The following IFT140 variants were observed in gnomAD, a reference collection of about 807,000 sequenced individuals.
The protein encoded by IFT140 is intraflagellar transport protein 140 homolog.
In IFT140, 133 loss-of-function variants were observed where a neutral mutation model predicts 164.6. That is an observed-to-expected ratio of 0.81 (90% confidence interval 0.70 to 0.93). The LOEUF is 0.93. Among genes scored for constraint, IFT140 ranks in the 40% least tolerant of loss-of-function variants. IFT140 has a pLI of 0.00. For synonymous variants in IFT140, 860 were observed against 817.3 expected (o/e 1.05, Z -0.89); for missense variants, 2,045 against 1,972.3 (o/e 1.04, Z -0.70).
In IFT140 at chr16:1,527,145, T is replaced by G. The variant is rs61389397; in HGVS notation, c.2400-349A>C. 1.0e-4 allele frequency: 30 copies of G among 290,688 alleles called. No homozygotes were observed. In the East Asian group the frequency reaches 1.8e-3, roughly 17 times the overall value. 18.0% of individuals were successfully genotyped at this position (290,688 alleles called of 1,614,324 possible). ...CTGTGTTGCTTGCACACACAGGACC[T>G]GCTCTGAGACAAAGCCTCCTGCTCT... On this transcript the variant is annotated intron_variant, in intron 19 of 30. Transcript: ENST00000426508.
In IFT140 at chr16:1,555,270, C is replaced by T. The variant is rs79270517; in HGVS notation, c.2399+2665G>A. 230 of 511,360 alleles carry T rather than the reference C, an allele frequency of 4.5e-4. 1 individual carries two copies. Among genetic ancestry groups the T allele is most frequent in the African/African-American group, 4.1e-3 (215 of 52,140 alleles). The allele number at this position is 511,360 out of a possible 1,614,324, so 31.7% of individuals were successfully genotyped here. On this transcript the variant is annotated intron_variant, in intron 19 of 30. Coordinates refer to ENST00000426508, the MANE Select transcript of IFT140 (RefSeq NM_014714.4). ...TCCTGGTTAGCGCAACGCGGCTCCA[C>T]GACCACACGCACTTCAGGGTGGAAG...
intron 15 of IFT140, among the ~76,000 whole-genome samples, chr16:1,567,149 G>T (rs758411378): frequency 6.6e-6 from 1 of 152,026 alleles, no homozygotes; most frequent in African/African-American, 2.4e-5. Flanking sequence ...CTACCCCTCC[G>T]CCAGTCCATC....
intron 18 of IFT140, among the ~76,000 whole-genome samples, chr16:1,559,061 T>C (rs1012952588): frequency 3.9e-5 from 6 of 152,156 alleles, no homozygotes; most frequent in Admixed American, 3.3e-4. Context: ...GTGCAGAGCA[T>C]AAGCAAAGGC....
At chr16:1,514,655 A>AT (rs1473795081) in intron 30 of IFT140, 1 of 152,222 alleles carries the variant, frequency 6.6e-6, no homozygotes, top group Non-Finnish European at 1.5e-5. Context: ...ACCAAAAAAA[A>AT]GCAATACTCT....
intron 19 of IFT140, chr16:1,554,211 TGGAGTTCCCAAAGC>T: frequency 9.5e-7 from 1 of 1,058,142 alleles, no homozygotes; most frequent in East Asian, 6.1e-5. Flanking sequence ...CCAGGCCATC[TGGAGTTCCCAAAGC>T]AAAGGCCAAG....
In IFT140 at chr16:1,566,261, A is replaced by T. The variant is rs778119075; in HGVS notation, c.1801T>A (p.Phe601Ile). 2 of 1,613,688 alleles carry T rather than the reference A, an allele frequency of 1.2e-6. No individual in the cohort carries two copies. The highest frequency in any genetic ancestry group is 8.5e-7 in the Non-Finnish European group (1 of 1,179,742). Residue 601 changes from phenylalanine (F) to isoleucine (I), a missense_variant, in exon 16 of 31, where the codon TTC becomes ATC. By Grantham distance (21) the Phe-to-Ile change is conservative. Transcript: ENST00000426508. Reference protein sequence around the residue: ...ADNSPDSKICFYDVEMDTVTV... With the variant: ...ADNSPDSKICIYDVEMDTVTV... Reference sequence around the variant, plus strand: ...ACTGTGTCCATTTCAACATCGTAGAAGCAGATTTTGGAATCAGGGCTGTTG... The same window carrying T: ...ACTGTGTCCATTTCAACATCGTAGATGCAGATTTTGGAATCAGGGCTGTTG...
At chr16:1,589,902 G>C (rs2035086288) in intron 6 of IFT140, 122 bp from the exon 7 acceptor site, 1 of 922,612 alleles carries the variant, frequency 1.1e-6, no homozygotes, top group African/African-American at 1.7e-5. Flanking sequence ...TTCAGTATAA[G>C]AACTTAAAAA....
At chr16:1,571,004 G>A (rs1007444040) in intron 14 of IFT140, among the ~76,000 whole-genome samples, 1 of 152,124 alleles carries the variant, frequency 6.6e-6, no homozygotes, top group South Asian at 2.1e-4. Flanking sequence ...CAGTCTTCTC[G>A]CCTTGGCCTC....
intron 15 of IFT140, among the ~76,000 whole-genome samples, chr16:1,567,117 C>T (rs2033759979): frequency 1.3e-5 from 2 of 152,168 alleles, no homozygotes; most frequent in Admixed American, 6.5e-5. Context: ...GTTAGAAACA[C>T]CTTCTGCAGC....
At chr16:1,589,526 G>C in intron 7 of IFT140, 79 bp downstream of exon 7, 13 of 1,455,332 alleles carry the variant, frequency 8.9e-6, no homozygotes, top group Non-Finnish European at 1.2e-5. Context: ...CTATCCAGAA[G>C]AGAAAGGGCC....
chr16:1,537,191 G>A (rs2031159660), intron 19 of IFT140, among the ~76,000 whole-genome samples: 1 of 151,514 alleles, frequency 6.6e-6, no homozygotes, highest in Non-Finnish European at 1.5e-5. Context: ...GCAAGCCAGG[G>A]AAGACAACGT....
chr16:1,553,556 G>A lies in IFT140; in HGVS notation c.2399+4379C>T. 1.0e-6 allele frequency: 1 copy of A among 1,002,752 alleles called. No homozygotes were observed. The highest frequency in any genetic ancestry group is 1.2e-6 in the Non-Finnish European group (1 of 839,306). 62.1% of individuals were successfully genotyped at this position (1,002,752 alleles called of 1,614,324 possible). On this transcript the variant is annotated intron_variant, in intron 19 of 30. Coordinates refer to ENST00000426508, the MANE Select transcript of IFT140 (RefSeq NM_014714.4). This position sits in a 1 kb window ranked among gnomAD's most constrained non-coding sequence, Gnocchi z 4.4. ...TCCTCTATGGACAAGAGGGGCTGGA[G>A]AGTTTAATCTGGACCAGTGTAAGTT...
intron 19 of IFT140, chr16:1,541,264 C>T (rs912581848): frequency 1.2e-5 from 12 of 985,222 alleles, no homozygotes; most frequent in Admixed American, 6.1e-5. Context: ...GATGGGGTGA[C>T]GGGGCCCCAG....
chr16:1,554,225 C>G, intron 19 of IFT140: 1 of 893,862 alleles, frequency 1.1e-6, no homozygotes, highest in Non-Finnish European at 1.5e-6. Context: ...GTTCCCAAAG[C>G]AAAGGCCAAG....
intron 27 of IFT140, 98 bp from the exon 28 acceptor site, chr16:1,520,441 G>T: frequency 7.1e-7 from 1 of 1,408,222 alleles, no homozygotes; most frequent in Non-Finnish European, 9.9e-7. Context: ...AGTGGCTCAG[G>T]GCTGCCCGGT....
At position 1,586,135 on chromosome 16, in the gene IFT140, T is replaced by G; in HGVS notation, c.1150A>C (p.Ile384Leu). Residue 384 changes from isoleucine to leucine, a missense_variant, in exon 10 of 31, where the codon ATC becomes CTC. By Grantham distance (5) the Ile-to-Leu change is conservative (BLOSUM62 2). Coordinates refer to ENST00000426508, the MANE Select transcript of IFT140 (RefSeq NM_014714.4). ...AACACCCTTGGAGGCTGTACCTGGA[T>G]TTGCGTGATGTTTCCTTGGAGCTCG... ...PTELQGNITQ[I>L]QWGSRKNLLA... 6.2e-7 allele frequency: 1 copy of G among 1,612,846 alleles called. No individual in the cohort carries two copies. The highest frequency in any genetic ancestry group is 8.5e-7 in the Non-Finnish European group (1 of 1,180,012).
chr16:1,526,300 C>T (rs1385579905), intron 20 of IFT140: 7 of 584,306 alleles, frequency 1.2e-5, no homozygotes. Flanking sequence ...CCTCCCACAG[C>T]CCCCCTCCCA....
chr16:1,526,989 C>T (rs772916951), intron 19 of IFT140, 193 bp from the exon 20 acceptor site: 55 of 584,218 alleles, frequency 9.4e-5, no homozygotes, highest in African/African-American at 4.0e-4. Flanking sequence ...ACGAGTCCCA[C>T]GGCCTTCCTA....
At chr16:1,542,564 T>C (rs932532463) in intron 19 of IFT140, among the ~76,000 whole-genome samples, 4 of 152,230 alleles carry the variant, frequency 2.6e-5, no homozygotes, top group African/African-American at 9.6e-5. Context: ...GCATGTGCTC[T>C]GTTATAAACG....
Sources: allele counts gnomAD v4.1 joint callset (sites outside exome capture counted in the v4.1 genomes callset), GRCh38; gene constraint gnomAD v4.1.1; non-coding constraint Gnocchi (gnomAD v3.1); transcripts MANE v1.5; gene names NCBI Gene and HGNC (gene_info 2026-07-23, HGNC 2026-07-21).